The following DDX46 variants were observed in gnomAD, a reference collection of about 807,000 sequenced individuals.
DDX46 encodes DEAD-box helicase 46.
In DDX46, 30 loss-of-function variants were observed where a neutral mutation model predicts 134.9. That is an observed-to-expected ratio of 0.22 (90% confidence interval 0.17 to 0.30). The LOEUF (loss-of-function observed/expected upper bound fraction) is 0.30, where lower values mean the gene tolerates loss of function less well. DDX46 is among the 10% of genes least tolerant of loss of function. The pLI, the probability that DDX46 is intolerant of heterozygous loss-of-function variation, is 1.00. For synonymous variants in DDX46, 415 were observed against 404.1 expected (o/e 1.03, Z -0.32); for missense variants, 622 against 1,248.7 (o/e 0.50, Z 7.56).
intron 21 of DDX46, among the ~76,000 whole-genome samples, chr5:134,822,002 C>G (rs1217467146): frequency 1.3e-5 from 2 of 149,788 alleles, no homozygotes; most frequent in Admixed American, 1.3e-4. Flanking sequence ...AAGGAGTTCT[C>G]CCTTGGCCTC....
chr5:134,804,880 C>T, intron 15 of DDX46: 1 of 378,108 alleles, frequency 2.6e-6, no homozygotes, highest in South Asian at 2.4e-5. Flanking sequence ...ACATTTAACA[C>T]ACATGGAACC....
chr5:134,795,328 G>A (rs1754624572), intron 14 of DDX46, among the ~76,000 whole-genome samples: 1 of 150,782 alleles, frequency 6.6e-6, no homozygotes, highest in South Asian at 2.1e-4. Context: ...GCTAAGTTCA[G>A]CATCAGTGTG....
At chr5:134,759,168 T>C (rs543691046) in intron 1 of DDX46, among the ~76,000 whole-genome samples, 21 of 152,138 alleles carry the variant, frequency 1.4e-4, no homozygotes, top group Non-Finnish European at 1.8e-4. Context: ...ATCAGAGGGT[T>C]CGAGCCCCTG....
intron 6 of DDX46, among the ~76,000 whole-genome samples, chr5:134,778,729 A>G: frequency 6.6e-6 from 1 of 151,826 alleles, no homozygotes; most frequent in Non-Finnish European, 1.5e-5. Context: ...GCCTGCCACT[A>G]TGCCCGGCTA....
intron 13 of DDX46, among the ~76,000 whole-genome samples, chr5:134,793,604 C>T (rs1183431277): frequency 6.6e-6 from 1 of 152,040 alleles, no homozygotes; most frequent in Non-Finnish European, 1.5e-5. Context: ...AGGGTTTCAC[C>T]ATGTTGGCTG....
intron 15 of DDX46, among the ~76,000 whole-genome samples, chr5:134,802,776 A>G (rs1219526233): frequency 6.6e-6 from 1 of 151,368 alleles, no homozygotes; most frequent in Non-Finnish European, 1.5e-5. Flanking sequence ...TTTTTGTTTT[A>G]TGGTTTTGTC....
At chr5:134,783,788 A>T (rs1459252095) in intron 9 of DDX46, among the ~76,000 whole-genome samples, 1 of 146,856 alleles carries the variant, frequency 6.8e-6, no homozygotes, top group East Asian at 2.0e-4. Context: ...ACCTCAGATG[A>T]TCCACCCGCT....
intron 15 of DDX46, among the ~76,000 whole-genome samples, chr5:134,807,053 CT>C (rs766339943): frequency 3.2e-3 from 450 of 139,974 alleles, no homozygotes; most frequent in Non-Finnish European, 4.5e-3. Flanking sequence ...TCTGCATTTC[CT>C]TTTTTTTTTT....
chr5:134,827,820 C>A (rs1755630800), intron 22 of DDX46, among the ~76,000 whole-genome samples: 1 of 152,074 alleles, frequency 6.6e-6, no homozygotes, highest in Non-Finnish European at 1.5e-5. Context: ...TTTTTATGAA[C>A]AACACTTCTG....
chr5:134,814,280 G>A (rs190164131), intron 18 of DDX46, among the ~76,000 whole-genome samples: 2 of 152,244 alleles, frequency 1.3e-5, no homozygotes, highest in East Asian at 3.9e-4. Flanking sequence ...GGCATTCACT[G>A]GGGTTCTTGG....
chr5:134,822,468 G>A (rs780315541), intron 21 of DDX46, among the ~76,000 whole-genome samples: 1 of 151,988 alleles, frequency 6.6e-6, no homozygotes, highest in Non-Finnish European at 1.5e-5. Flanking sequence ...GAACAGCTAG[G>A]ACCACAGGCC....
intron 8 of DDX46, 97 bp downstream of exon 8, chr5:134,782,183 G>A: frequency 1.6e-6 from 2 of 1,243,434 alleles, no homozygotes; most frequent in South Asian, 3.4e-5. Flanking sequence ...TCATGAAGGA[G>A]GGTGTTTTGG....
intron 21 of DDX46, among the ~76,000 whole-genome samples, chr5:134,821,595 C>G (rs1237113436): frequency 1.6e-4 from 24 of 149,472 alleles, no homozygotes; most frequent in Non-Finnish European, 4.4e-5. Context: ...TGCAGCGGCG[C>G]AATTTCGGCT....
intron 9 of DDX46, among the ~76,000 whole-genome samples, 155 bp downstream of exon 9, chr5:134,783,220 T>C (rs1445167972): frequency 2.0e-5 from 3 of 152,134 alleles, no homozygotes; most frequent in African/African-American, 7.2e-5. Flanking sequence ...AATTTACCCT[T>C]TAAATTATAC....
At chr5:134,824,480 C>T (rs1055644678) in intron 21 of DDX46, among the ~76,000 whole-genome samples, 14 of 151,806 alleles carry the variant, frequency 9.2e-5, no homozygotes, top group African/African-American at 3.1e-4. Context: ...CCCAGCTACT[C>T]GAGAGGCTGA....
intron 1 of DDX46, 71 bp downstream of exon 1, chr5:134,759,026 G>C: frequency 6.3e-7 from 1 of 1,588,754 alleles, no homozygotes; most frequent in East Asian, 2.2e-5. Flanking sequence ...CGGGAGTTGA[G>C]GTGGCCGCCG....
At chr5:134,786,540 T>G (rs75800104) in intron 11 of DDX46, among the ~76,000 whole-genome samples, 1,938 of 152,284 alleles carry the variant, frequency 0.013, 39 homozygotes, top group African/African-American at 0.044. Context: ...TAATCTATGC[T>G]GACATCTTTA....
chr5:134,792,758 T>C (rs1754540732), intron 13 of DDX46, among the ~76,000 whole-genome samples: 1 of 152,232 alleles, frequency 6.6e-6, no homozygotes, highest in Non-Finnish European at 1.5e-5. Context: ...CATTATCTCA[T>C]GTATTTATGT....
chr5:134,796,218 C>A, intron 15 of DDX46, 68 bp downstream of exon 15: 1 of 1,518,934 alleles, frequency 6.6e-7, no homozygotes, highest in South Asian at 1.2e-5. Context: ...GCTGTGTTCT[C>A]GATGATACTT....
Sources: gnomAD v4.1 joint callset for allele counts (sites outside exome capture counted in the v4.1 genomes callset) on GRCh38, gnomAD v4.1.1 for gene constraint, MANE v1.5 for transcripts, NCBI Gene and HGNC (gene_info 2026-07-23, HGNC 2026-07-21) for gene names.